PCDHGB2: variants seen among roughly 807,000 people sequenced by gnomAD.
The protein encoded by PCDHGB2 is protocadherin gamma-B2.
A neutral mutation model predicts 59.3 loss-of-function variants in PCDHGB2; 55 were observed. That is an observed-to-expected ratio of 0.93 (90% CI 0.75 to 1.16). The LOEUF is 1.16. Among genes scored for constraint, PCDHGB2 ranks in the 50% most tolerant of loss-of-function variants. The pLI is 0.00. For synonymous variants in PCDHGB2, 516 were observed against 512.0 expected, an observed-to-expected ratio of 1.01 and a Z score of -0.11; for missense variants, 1,228 against 1,198.5, an observed-to-expected ratio of 1.02 and a Z score of -0.36.
chr5:141,456,875 A>C (rs2098894225), intron 1 of PCDHGB2, among the ~76,000 whole-genome samples: 1 of 152,190 alleles, frequency 6.6e-6, no homozygotes, highest in African/African-American at 2.4e-5. Context: ...AGGCAGGAGA[A>C]TCGCTTGAAC....
intron 1 of PCDHGB2, among the ~76,000 whole-genome samples, chr5:141,455,803 A>C (rs1197986124): frequency 2.6e-5 from 4 of 152,068 alleles, no homozygotes; most frequent in Non-Finnish European, 4.4e-5. Flanking sequence ...TGCTTTAAAA[A>C]ATGAAAACTT....
intron 1 of PCDHGB2, chr5:141,428,402 G>T (rs899477196): frequency 1.7e-5 from 8 of 479,776 alleles, no homozygotes; most frequent in African/African-American, 1.4e-4. Flanking sequence ...TCTGCCTGGG[G>T]TTGCTTTCAC....
chr5:141,494,845 C>G lies in PCDHGB2; in HGVS notation c.2460C>G (p.Ala820=), dbSNP rs747484430. The part of the protein sequence containing the change: ...PPNTDWRFSQ[A]QRPGTSGSQN... Reference sequence around the variant, plus strand: ...ACACGGACTGGCGTTTCTCTCAGGCCCAGAGACCCGGCACCAGCGGGTAGG... The same window carrying G: ...ACACGGACTGGCGTTTCTCTCAGGCGCAGAGACCCGGCACCAGCGGGTAGG... The change falls in exon 2 of 4, where the codon GCC becomes GCG. Residue 820 remains alanine, a synonymous_variant. Transcript: ENST00000522605. 1.2e-6 allele frequency: 2 copies of G among 1,614,144 alleles called. No individual in the cohort carries two copies. The highest frequency in any genetic ancestry group is 1.7e-6 in the Non-Finnish European group (2 of 1,180,028).
intron 1 of PCDHGB2, chr5:141,415,762 T>TGTTTG: frequency 7.1e-7 from 1 of 1,399,990 alleles, no homozygotes; most frequent in Non-Finnish European, 9.3e-7. Flanking sequence ...TTTTTTTTTT[T>TGTTTG]TTTTTTTTTT....
At chr5:141,496,021 G>T (rs1011612662) in intron 2 of PCDHGB2, among the ~76,000 whole-genome samples, 2 of 151,336 alleles carry the variant, frequency 1.3e-5, no homozygotes, top group African/African-American at 4.9e-5. Flanking sequence ...TTTTCTCTGA[G>T]CCTCTGTCTC....
chr5:141,461,480 G>A (rs1478939044), intron 1 of PCDHGB2, among the ~76,000 whole-genome samples: 1 of 151,970 alleles, frequency 6.6e-6, no homozygotes, highest in Non-Finnish European at 1.5e-5. Context: ...ACTTTTTAAT[G>A]GGATTGTGTT....
chr5:141,440,075 T>C (rs2098148518), intron 1 of PCDHGB2: 1 of 152,428 alleles, frequency 6.6e-6, no homozygotes, highest in Non-Finnish European at 1.5e-5. Flanking sequence ...TGAGGAATAA[T>C]ACTTCATTCT....
intron 1 of PCDHGB2, chr5:141,394,336 A>G (rs1205005872): frequency 1.9e-6 from 3 of 1,613,704 alleles, no homozygotes; most frequent in Non-Finnish European, 1.7e-6. Context: ...ATCTCCATCA[A>G]CTCTGACACC....
Position 141,511,039 on chromosome 5 carries a change from C to T in PCDHGB2, c.2662C>T (p.Pro888Ser). 1 of 1,614,196 alleles carries T rather than the reference C, an allele frequency of 6.2e-7. No homozygotes were observed. ...YGPQFTLQHV[P>S]DYRQNVYIPG... ...ACCCCAGTTCACCCTGCAGCACGTGCCCGACTACCGCCAGAATGTCTACAT... is the reference window on the plus strand; with the variant it reads ...ACCCCAGTTCACCCTGCAGCACGTGTCCGACTACCGCCAGAATGTCTACAT... The change falls in exon 4 of 4, where the codon CCC (proline) becomes TCC (serine). Residue 888 changes from proline (P) to serine (S), a missense_variant. Physicochemically the swap from Pro to Ser is moderately conservative, Grantham distance 74. Around this residue, in one of 3 missense-constraint regions of PCDHGB2, gnomAD observed 433 missense variants for 441.8 expected, o/e 0.98. Coordinates refer to ENST00000522605, the MANE Select transcript of PCDHGB2 (RefSeq NM_018923.3).
intron 1 of PCDHGB2, among the ~76,000 whole-genome samples, chr5:141,453,574 G>T (rs1285296493): frequency 6.6e-6 from 1 of 152,084 alleles, no homozygotes; most frequent in Non-Finnish European, 1.5e-5. Context: ...TCATTAGTTT[G>T]TGGTTTATCC....
rs539620413 is a variant in PCDHGB2, at chr5:141,488,489, G to GT, written c.2422-6317dup. Among the ~76,000 whole-genome samples the GT allele has an allele frequency of 1.6e-4, 25 of 152,268 alleles. No homozygotes were observed. In the South Asian group the frequency reaches 4.6e-3, roughly 28 times the overall value. On this transcript the variant is annotated intron_variant, in intron 1 of 3. Transcript: ENST00000522605. ...AGAAATGTTCCCCTACCCAAAAACT[G>GT]TAACACTCATTCCACATTTGGGGTC...
intron 2 of PCDHGB2, among the ~76,000 whole-genome samples, chr5:141,497,661 T>A (rs1485909952): frequency 3.3e-5 from 5 of 151,062 alleles, no homozygotes; most frequent in African/African-American, 4.9e-5. Context: ...TGCCTCAGCC[T>A]CCCGAGTAGC....
At chr5:141,436,910 TGTGA>T (rs1332506247) in intron 1 of PCDHGB2, among the ~76,000 whole-genome samples, 1 of 152,228 alleles carries the variant, frequency 6.6e-6, no homozygotes, top group Non-Finnish European at 1.5e-5. Flanking sequence ...GAGACAATTT[TGTGA>T]GTGTTACTTT....
intron 1 of PCDHGB2, among the ~76,000 whole-genome samples, chr5:141,464,193 A>C (rs991769179): frequency 1.3e-5 from 2 of 149,674 alleles, no homozygotes; most frequent in Non-Finnish European, 3.0e-5. Flanking sequence ...TGATTTCAGG[A>C]GGCGGAGATT....
chr5:141,503,598 CAAAAA>C (rs765754054), intron 2 of PCDHGB2, among the ~76,000 whole-genome samples: 1 of 65,760 alleles, frequency 1.5e-5, no homozygotes, highest in African/African-American at 4.7e-5. Context: ...GACTCCAGCT[CAAAAA>C]AAAAAAAAAA....
intron 1 of PCDHGB2, among the ~76,000 whole-genome samples, chr5:141,451,134 T>C (rs567790185): frequency 9.9e-5 from 15 of 152,254 alleles, no homozygotes; most frequent in African/African-American, 3.6e-4. Context: ...AGCCTTATGA[T>C]TGTATTTAGA....
Position 141,485,738 on chromosome 5 carries a change from A to G in PCDHGB2, c.2422-9069A>G, listed in dbSNP as rs1443978038. Reference sequence around the variant, plus strand: ...GGATGTGAAGAAGCGCAGCGACGGCAGCCTGGTCCCAGAGCTGCTCCTGGA... The same window carrying G: ...GGATGTGAAGAAGCGCAGCGACGGCGGCCTGGTCCCAGAGCTGCTCCTGGA... On this transcript the variant is annotated intron_variant, in intron 1 of 3. Transcript: ENST00000522605. This position sits in a 1 kb window ranked among gnomAD's most constrained non-coding sequence, Gnocchi z 5.7. 1 of 1,614,230 alleles carries G rather than the reference A, an allele frequency of 6.2e-7. No individual in the cohort carries two copies.
At chr5:141,398,349 C>T in intron 1 of PCDHGB2, 2 of 1,397,134 alleles carry the variant, frequency 1.4e-6, no homozygotes, top group Non-Finnish European at 2.0e-6. Flanking sequence ...AGAAGCCTTA[C>T]TTCACCGTGA....
At chr5:141,433,349 T>C in intron 1 of PCDHGB2, 1 of 616,610 alleles carries the variant, frequency 1.6e-6, no homozygotes, top group East Asian at 2.8e-5. Flanking sequence ...GCAAGCCACC[T>C]ACTGTCTGCC....
Sources: gnomAD v4.1 joint callset for allele counts (sites outside exome capture counted in the v4.1 genomes callset) on GRCh38, gnomAD v4.1.1 for gene constraint, gnomAD v4.1.1 regional missense constraint, Gnocchi (gnomAD v3.1) non-coding constraint, MANE v1.5 for transcripts, NCBI Gene and HGNC (gene_info 2026-07-23, HGNC 2026-07-21) for gene names.